BMPR1B: variants seen among roughly 807,000 people sequenced by gnomAD.
The protein encoded by BMPR1B is bone morphogenetic protein receptor type 1B.
Under a neutral mutation model 59.1 loss-of-function variants are expected in BMPR1B, and 12 were observed. The ratio of observed to expected loss-of-function variants is 0.20; its 90% confidence interval spans 0.13 to 0.33. The LOEUF (loss-of-function observed/expected upper bound fraction) is 0.33. Among genes scored for constraint, BMPR1B ranks in the 10% least tolerant of loss-of-function variants. The pLI, the probability that BMPR1B is intolerant of heterozygous loss-of-function variation, is 1.00. For synonymous variants in BMPR1B, 237 were observed against 207.3 expected, an observed-to-expected ratio of 1.14 and a Z score of -1.23; for missense variants, 550 against 610.9, an observed-to-expected ratio of 0.90 and a Z score of 1.05.
chr4:94,988,541 A>T (rs1409001164), intron 2 of BMPR1B, among the ~76,000 whole-genome samples: 1 of 152,198 alleles, frequency 6.6e-6, no homozygotes, highest in African/African-American at 2.4e-5. Flanking sequence ...TAAAAGTTTA[A>T]AAAGACCCAT....
chr4:94,907,099 T>C (rs1197693822), intron 2 of BMPR1B, among the ~76,000 whole-genome samples: 1 of 152,028 alleles, frequency 6.6e-6, no homozygotes, highest in Non-Finnish European at 1.5e-5. Context: ...GGATGTGCAA[T>C]AGAACAATCA....
chr4:95,141,294 T>TA (rs1734214858), intron 10 of BMPR1B, among the ~76,000 whole-genome samples: 1 of 152,222 alleles, frequency 6.6e-6, no homozygotes. Flanking sequence ...TTTGTGCACA[T>TA]ATGCATGGAT....
At chr4:94,791,068 A>G (rs979649934) in intron 1 of BMPR1B, among the ~76,000 whole-genome samples, 9 of 151,976 alleles carry the variant, frequency 5.9e-5, no homozygotes, top group African/African-American at 1.5e-4. Context: ...GCTCACTGCA[A>G]CCTCCGCCTC....
chr4:95,068,852 A>C lies in BMPR1B; in HGVS notation c.-17-35556A>C, dbSNP rs1042975823. On this transcript the variant is annotated intron_variant, in intron 3 of 12. Transcript: ENST00000515059. The stretch of plus-strand genomic sequence containing the variant: ...TTTACTTTCCTGAGGAACCAAAATT[A>C]TGAAGTACCTTCAAAGTACAGCAAG... Among the ~76,000 whole-genome samples the C allele has an allele frequency of 1.3e-5, 2 of 152,200 alleles. 1 individual carries two copies. Among genetic ancestry groups the C allele is most frequent in the Non-Finnish European group, 2.9e-5 (2 of 68,042 alleles).
intron 1 of BMPR1B, among the ~76,000 whole-genome samples, chr4:94,850,826 A>C (rs1312391841): frequency 6.6e-6 from 1 of 152,106 alleles, no homozygotes; most frequent in Non-Finnish European, 1.5e-5. Flanking sequence ...CTTGTATCTT[A>C]AATCTCTCTC....
chr4:95,031,474 G>T lies in BMPR1B; in HGVS notation c.-18+35340G>T, dbSNP rs567126537. On this transcript the variant is annotated intron_variant, in intron 3 of 12. Transcript: ENST00000515059. ...GCAGATATATTTTTTTTGAGACAGG[G>T]TCTTGCTGAGTTGCCCAGGCTGGAG... Among the ~76,000 whole-genome samples, 13 of 152,132 alleles carry T rather than the reference G, an allele frequency of 8.5e-5. No individual in the cohort carries two copies. The South Asian group carries it at 2.7e-3, about 32-fold the overall frequency.
Position 95,148,835 on chromosome 4 carries a change from C to A in BMPR1B, c.1164C>A (p.Asn388Lys). The A allele has an allele frequency of 6.2e-7, 1 of 1,614,070 alleles. No individual in the cohort carries two copies. The highest frequency in any genetic ancestry group is 1.1e-5 in the South Asian group (1 of 91,078). ...CAGAAGTGTTGGACGAGAGCTTGAA[C>A]AGAAATCACTTCCAGTCTTACATCA... The part of the protein sequence containing the change: ...MPPEVLDESL[N>K]RNHFQSYIMA... The change falls in exon 11 of 13, where the codon AAC (asparagine) becomes AAA (lysine). Residue 388 changes from asparagine to lysine, a missense_variant. Transcript: ENST00000515059.
At chr4:94,968,417 A>G (rs911598599) in intron 2 of BMPR1B, among the ~76,000 whole-genome samples, 3 of 152,044 alleles carry the variant, frequency 2.0e-5, no homozygotes, top group Non-Finnish European at 4.4e-5. Context: ...TGTAGTTTAA[A>G]CATTTTTAAA....
chr4:94,955,619 G>A (rs1396590090), intron 2 of BMPR1B, among the ~76,000 whole-genome samples: 1 of 146,844 alleles, frequency 6.8e-6, no homozygotes, highest in Non-Finnish European at 1.5e-5. Context: ...TGCTTTACAC[G>A]TATTAGCACA....
At chr4:94,918,519 T>A (rs951382227) in intron 2 of BMPR1B, among the ~76,000 whole-genome samples, 1 of 151,940 alleles carries the variant, frequency 6.6e-6, no homozygotes, top group African/African-American at 2.4e-5. Context: ...TCTGCAAAAA[T>A]TAAAAAATTA....
At chr4:94,874,821 G>A (rs546533751) in intron 1 of BMPR1B, among the ~76,000 whole-genome samples, 53 of 152,022 alleles carry the variant, frequency 3.5e-4, no homozygotes, top group African/African-American at 9.6e-4. Flanking sequence ...GTGAAACGCC[G>A]TCTCTACTAA....
intron 2 of BMPR1B, among the ~76,000 whole-genome samples, chr4:94,911,339 G>A (rs1728265896): frequency 1.3e-5 from 2 of 152,148 alleles, no homozygotes; most frequent in African/African-American, 4.8e-5. Context: ...GGGGAGAAGT[G>A]TGCTGCCAGG....
chr4:94,768,558 T>G (rs1266047578), intron 1 of BMPR1B, among the ~76,000 whole-genome samples: 2 of 152,144 alleles, frequency 1.3e-5, no homozygotes, highest in African/African-American at 4.8e-5. Flanking sequence ...AACACTATTT[T>G]ATGTGACTGC....
At chr4:94,831,718 G>T (rs1488893684) in intron 1 of BMPR1B, among the ~76,000 whole-genome samples, 1 of 152,186 alleles carries the variant, frequency 6.6e-6, no homozygotes, top group Non-Finnish European at 1.5e-5. Flanking sequence ...GGCCTGTAAG[G>T]AACGGGACCA....
chr4:95,115,947 C>G (rs563161551), intron 6 of BMPR1B, among the ~76,000 whole-genome samples, 160 bp downstream of exon 6: 3 of 152,290 alleles, frequency 2.0e-5, no homozygotes, highest in Admixed American at 6.5e-5. Context: ...AAGACATGTG[C>G]AAGTAGTTTG....
chr4:95,112,375 G>A (rs1242500235), intron 4 of BMPR1B, among the ~76,000 whole-genome samples: 4 of 152,196 alleles, frequency 2.6e-5, no homozygotes, highest in East Asian at 1.9e-4. Flanking sequence ...GCCTGTAGCC[G>A]TCTCTTAGAG....
intron 1 of BMPR1B, among the ~76,000 whole-genome samples, chr4:94,809,150 T>C (rs2110635540): frequency 1.3e-5 from 2 of 152,314 alleles, no homozygotes; most frequent in South Asian, 4.1e-4. Flanking sequence ...GTGGTCACTT[T>C]TATGGTATTT....
chr4:94,987,164 A>T (rs1721469346), intron 2 of BMPR1B, among the ~76,000 whole-genome samples: 1 of 142,496 alleles, frequency 7.0e-6, no homozygotes, highest in South Asian at 2.2e-4. Flanking sequence ...ATACATATAC[A>T]TATATGTGTA....
intron 3 of BMPR1B, among the ~76,000 whole-genome samples, chr4:95,083,405 T>C (rs1729325757): frequency 6.6e-6 from 1 of 152,158 alleles, no homozygotes; most frequent in South Asian, 2.1e-4. Flanking sequence ...CAGGCTGATA[T>C]TTGTTGTAGA....
Sources: allele counts gnomAD v4.1 joint callset (sites outside exome capture counted in the v4.1 genomes callset), GRCh38; gene constraint gnomAD v4.1.1; transcripts MANE v1.5; gene names NCBI Gene and HGNC (gene_info 2026-07-23, HGNC 2026-07-21).